SCN9A: variants seen among roughly 807,000 people sequenced by gnomAD.
The protein encoded by SCN9A is sodium channel protein type 9 subunit alpha.
SCN9A carries 131 observed loss-of-function variants against 187.0 expected under a neutral mutation model. The observed-to-expected ratio is 0.70, with a 90% CI of 0.61 to 0.81. The LOEUF is 0.81. SCN9A is among the 30% of genes least tolerant of loss of function. The pLI is 0.00. For synonymous variants in SCN9A, 809 were observed against 808.6 expected, an observed-to-expected ratio of 1.00 and a Z score of -0.01; for missense variants, 2,252 against 2,396.6, an observed-to-expected ratio of 0.94 and a Z score of 1.26.
At chr2:166,231,421 A>G (rs1048991986) in intron 21 of SCN9A, among the ~76,000 whole-genome samples, 4 of 152,128 alleles carry the variant, frequency 2.6e-5, no homozygotes, top group African/African-American at 4.8e-5. Flanking sequence ...GTTTGTAGGG[A>G]TAACAGTGAA....
At chr2:166,327,564 A>G (rs936894769) in intron 1 of SCN9A, among the ~76,000 whole-genome samples, 1 of 152,166 alleles carries the variant, frequency 6.6e-6, no homozygotes, top group African/African-American at 2.4e-5. Context: ...TAGGGATTTC[A>G]ATGATGACCA....
intron 9 of SCN9A, among the ~76,000 whole-genome samples, chr2:166,290,650 C>T (rs1379881870): frequency 6.6e-6 from 1 of 152,050 alleles, no homozygotes; most frequent in Non-Finnish European, 1.5e-5. Context: ...TTTTGATTTG[C>T]GTTTCTTAAT....
intron 18 of SCN9A, among the ~76,000 whole-genome samples, chr2:166,243,447 TAGTC>T (rs903750081): frequency 6.6e-6 from 1 of 152,000 alleles, no homozygotes; most frequent in Non-Finnish European, 1.5e-5. Context: ...AAGTGACAGA[TAGTC>T]AGGGTTCATT....
rs1693285931 is a variant in SCN9A, at chr2:166,197,758, G to T, written c.*914C>A. On this transcript the variant is annotated 3_prime_UTR_variant, in exon 27 of 27. Transcript: ENST00000642356. ...ACTGCATAAGAAAGCAGGAAAATTTGACAAAAGAGTTTAAGAGACTATTAT... is the reference window on the plus strand; with the variant it reads ...ACTGCATAAGAAAGCAGGAAAATTTTACAAAAGAGTTTAAGAGACTATTAT... 6.6e-6 allele frequency: 1 copy of T among 152,124 alleles called. No individual in the cohort carries two copies. Among genetic ancestry groups the T allele is most frequent in the Non-Finnish European group, 1.5e-5 (1 of 67,990 alleles). The allele number at this position is 152,124 out of a possible 1,614,324, so 9.4% of individuals were successfully genotyped here.
chr2:166,362,044 C>T (rs899674762), intron 1 of SCN9A, among the ~76,000 whole-genome samples: 4 of 151,938 alleles, frequency 2.6e-5, no homozygotes, highest in African/African-American at 4.8e-5. Context: ...TTCTTTGGAA[C>T]ATTTGTGGAC....
chr2:166,308,925 C>CAAAAA lies in SCN9A; in HGVS notation c.259-1856_259-1852dup, dbSNP rs397986566. Among the ~76,000 whole-genome samples the CAAAAA allele has an allele frequency of 1.6e-3, 121 of 77,482 alleles. 3 individuals carry two copies. The highest frequency in any genetic ancestry group is 4.4e-3 in the South Asian group (8 of 1,820). The allele number at this position is 77,482 out of a possible 152,430, so 50.8% of individuals were successfully genotyped here. On this transcript the variant is annotated intron_variant, in intron 2 of 26. Coordinates refer to ENST00000642356, the MANE Select transcript of SCN9A (RefSeq NM_001365536.1). ...TGGGCAACAGAGGGAGACTCTGTCT[C>CAAAAA]AAAAAAAAAAAAAAAAAAAAGACTA...
At position 166,228,688 on chromosome 2, in the gene SCN9A, T is replaced by C. The variant is rs1694951853; in HGVS notation, c.4206+3A>G. 1 of 1,606,980 alleles carries C rather than the reference T, an allele frequency of 6.2e-7. No individual in the cohort carries two copies. Among genetic ancestry groups the C allele is most frequent in the Non-Finnish European group, 8.5e-7 (1 of 1,175,558 alleles). On this transcript the variant is annotated splice_donor_region_variant and intron_variant, in intron 22 of 26. Coordinates refer to ENST00000642356, the MANE Select transcript of SCN9A (RefSeq NM_001365536.1). Reference sequence around the variant, plus strand: ...CCAAGCACTCATGAAATGGGACACTTACAACTTGAAGCAGAGATAGGTAAC... The same window carrying C: ...CCAAGCACTCATGAAATGGGACACTCACAACTTGAAGCAGAGATAGGTAAC...
chr2:166,273,290 A>C (rs78916810), intron 16 of SCN9A, among the ~76,000 whole-genome samples: 2,102 of 152,326 alleles, frequency 0.014, 108 homozygotes, highest in Admixed American at 0.097. Flanking sequence ...CAGGTAGAAC[A>C]AAACAATTGT....
At position 166,288,601 on chromosome 2, in the gene SCN9A, C is replaced by T. The variant is rs200973534; in HGVS notation, c.1150G>A (p.Val384Ile). The change falls in exon 10 of 27, where the codon GTA (valine) becomes ATA (isoleucine). Residue 384 changes from valine (V) to isoleucine (I), a missense_variant. By Grantham distance (29) the Val-to-Ile change is conservative (BLOSUM62 3). Around this residue, in one of 7 missense-constraint regions of SCN9A, gnomAD observed 1,013 missense variants for 997.4 expected, o/e 1.02. Transcript: ENST00000642356. ...AGKTYMIFFVVVIFLGSFYLI... is the reference protein window; with the variant it reads ...AGKTYMIFFVIVIFLGSFYLI... ...TAAAAGGAGCCCAGGAAAATCACTA[C>T]GACAAAGAAGATCATGTAGGTTTTG... 78 of 1,610,934 alleles carry T rather than the reference C, an allele frequency of 4.8e-5. No homozygotes were observed. Among genetic ancestry groups the T allele is most frequent in the South Asian group, 2.7e-4 (24 of 90,528 alleles).
chr2:166,362,848 T>C (rs1048331838), intron 1 of SCN9A, among the ~76,000 whole-genome samples: 1 of 152,018 alleles, frequency 6.6e-6, no homozygotes, highest in African/African-American at 2.4e-5. Flanking sequence ...GCTTAACTTT[T>C]ATTTACAGAC....
chr2:166,370,526 G>C (rs1700534962), intron 1 of SCN9A, among the ~76,000 whole-genome samples: 2 of 149,660 alleles, frequency 1.3e-5, no homozygotes, highest in South Asian at 4.2e-4. Context: ...CTGGGCGACA[G>C]AGCGAGACTC....
At chr2:166,226,246 A>G (rs1453568484) in intron 24 of SCN9A, among the ~76,000 whole-genome samples, 2 of 152,190 alleles carry the variant, frequency 1.3e-5, no homozygotes, top group African/African-American at 4.8e-5. Context: ...TTGAATAAAT[A>G]GTGTATTGAT....
chr2:166,217,537 G>A (rs529279765), intron 24 of SCN9A, among the ~76,000 whole-genome samples: 67 of 152,028 alleles, frequency 4.4e-4, no homozygotes, highest in African/African-American at 1.5e-3. Flanking sequence ...TAAACCAATT[G>A]TAGAATGGGC....
chr2:166,278,383 C>T (rs1158771964), intron 14 of SCN9A, 70 bp from the exon 15 acceptor site: 33 of 1,251,918 alleles, frequency 2.6e-5, no homozygotes, highest in Non-Finnish European at 3.6e-5. Context: ...ATAATAATCA[C>T]TGTTTGCTTA....
At position 166,375,265 on chromosome 2, in the gene SCN9A, G is replaced by T. The variant is rs998903724; in HGVS notation, c.-51+432C>A. Among the ~76,000 whole-genome samples the T allele has an allele frequency of 3.9e-4, 60 of 152,152 alleles. 1 individual carries two copies. The highest frequency in any genetic ancestry group is 1.5e-5 in the Non-Finnish European group (1 of 68,038). On this transcript the variant is annotated intron_variant, in intron 1 of 26. Coordinates refer to ENST00000642356, the MANE Select transcript of SCN9A (RefSeq NM_001365536.1). ...AGGTTGTATCTGCTAAGCTGGTTCT[G>T]CACGCTCAGCTTTGCAGATGGGAAA...
In SCN9A at chr2:166,272,520, T is replaced by C. The variant is rs1269109229; in HGVS notation, c.3230A>G (p.Gln1077Arg). The C allele has an allele frequency of 6.2e-7, 1 of 1,613,408 alleles. No homozygotes were observed. The highest frequency in any genetic ancestry group is 1.7e-5 in the Admixed American group (1 of 59,918). ...DKHLMEDSDG[Q>R]SFIHNPSLTV... Reference sequence around the variant, plus strand: ...GAGGCTGGGATTGTGAATAAATGATTGACCATCACTGTCTTCCATCAAGTG... The same window carrying C: ...GAGGCTGGGATTGTGAATAAATGATCGACCATCACTGTCTTCCATCAAGTG... Residue 1077 changes from glutamine to arginine, a missense_variant, in exon 17 of 27, where the codon CAA (glutamine) becomes CGA (arginine). Gln to Arg is a conservative substitution (Grantham distance 43, BLOSUM62 1). Coordinates refer to ENST00000642356, the MANE Select transcript of SCN9A (RefSeq NM_001365536.1).
intron 1 of SCN9A, among the ~76,000 whole-genome samples, chr2:166,363,185 AT>A (rs1318775757): frequency 6.6e-6 from 1 of 152,032 alleles, no homozygotes. Flanking sequence ...GAGAGAGGAG[AT>A]TTTTGAACTT....
chr2:166,246,850 C>T (rs1695811205), intron 18 of SCN9A, among the ~76,000 whole-genome samples: 1 of 151,738 alleles, frequency 6.6e-6, no homozygotes, highest in African/African-American at 2.4e-5. Context: ...TAAATATTGC[C>T]CTCAGGGTTT....
intron 26 of SCN9A, among the ~76,000 whole-genome samples, chr2:166,202,006 G>A (rs1427118974): frequency 6.6e-6 from 1 of 151,532 alleles, no homozygotes; most frequent in Non-Finnish European, 1.5e-5. Flanking sequence ...TTTGGTATTT[G>A]CCCATGTGTC....
Sources: allele counts gnomAD v4.1 joint callset (sites outside exome capture counted in the v4.1 genomes callset), GRCh38; gene constraint gnomAD v4.1.1; regional missense constraint gnomAD v4.1.1; transcripts MANE v1.5; gene names NCBI Gene and HGNC (gene_info 2026-07-23, HGNC 2026-07-21).